The following PUM1 variants were observed in gnomAD, a reference collection of about 807,000 sequenced individuals.
PUM1 encodes pumilio RNA binding family member 1.
PUM1 carries 13 observed loss-of-function variants against 131.8 expected under a neutral mutation model. That is an observed-to-expected ratio of 0.10 (90% CI 0.06 to 0.16). The LOEUF is 0.16. Ranked by LOEUF, PUM1 falls within the 10% of genes least tolerant of loss-of-function variation. The pLI is 1.00. For synonymous variants in PUM1, 509 were observed against 556.5 expected, an observed-to-expected ratio of 0.91 and a Z score of 1.20; for missense variants, 961 against 1,512.4, an observed-to-expected ratio of 0.64 and a Z score of 6.05.
At chr1:30,937,961 G>A (rs1043599128) in intron 20 of PUM1, among the ~76,000 whole-genome samples, 11 of 151,914 alleles carry the variant, frequency 7.2e-5, no homozygotes, top group Non-Finnish European at 1.5e-4. Flanking sequence ...TAGTAGAGAC[G>A]GGGTTTCACC....
chr1:30,936,525 GGACAGAGGTCAGT>G (rs1639217047), intron 21 of PUM1, 105 bp downstream of exon 21: 1 of 1,001,402 alleles, frequency 1.0e-6, no homozygotes, highest in Non-Finnish European at 1.5e-6. Flanking sequence ...ACACAGCATG[GGACAGAGGTCAGT>G]GACAAACTCT....
intron 18 of PUM1, among the ~76,000 whole-genome samples, chr1:30,943,818 T>C (rs968088395): frequency 5.3e-5 from 8 of 152,178 alleles, no homozygotes; most frequent in African/African-American, 1.2e-4. Context: ...GGGTAAATAA[T>C]AGTCTATTAT....
chr1:31,027,467 A>C (rs562808485), intron 3 of PUM1, among the ~76,000 whole-genome samples: 1 of 152,190 alleles, frequency 6.6e-6, no homozygotes, highest in Non-Finnish European at 1.5e-5. Context: ...TAGACTTTCT[A>C]AACCATACAG....
intron 2 of PUM1, among the ~76,000 whole-genome samples, chr1:31,032,558 G>A (rs1414435708): frequency 1.1e-4 from 13 of 115,674 alleles, no homozygotes; most frequent in African/African-American, 3.3e-4. Context: ...GTGCAGTGGC[G>A]TGATCTTTTT....
chr1:31,008,625 A>C (rs967997819), intron 3 of PUM1, among the ~76,000 whole-genome samples: 4 of 152,084 alleles, frequency 2.6e-5, no homozygotes, highest in African/African-American at 9.7e-5. Flanking sequence ...AAATCTTACT[A>C]AACTGCCCTG....
chr1:30,936,905 G>GT, intron 20 of PUM1, 70 bp from the exon 21 acceptor site: 1 of 1,364,892 alleles, frequency 7.3e-7, no homozygotes, highest in Non-Finnish European at 1.0e-6. Context: ...TGCTTGCCTA[G>GT]CTTCTGCCCT....
chr1:30,962,890 G>A (rs1640476197), intron 14 of PUM1, among the ~76,000 whole-genome samples: 1 of 151,992 alleles, frequency 6.6e-6, no homozygotes, highest in Admixed American at 6.6e-5. Context: ...AAACTTAGCA[G>A]GTTCAGTTTA....
At chr1:30,945,561 T>C (rs1314451850) in intron 17 of PUM1, 78 bp from the exon 18 acceptor site, 4 of 1,470,346 alleles carry the variant, frequency 2.7e-6, no homozygotes, top group Admixed American at 1.8e-5. Flanking sequence ...TCACCAAACA[T>C]GAAAGCACTA....
intron 17 of PUM1, among the ~76,000 whole-genome samples, chr1:30,947,871 ATTTTTTTT>A (rs755403369): frequency 3.5e-5 from 5 of 141,210 alleles, no homozygotes; most frequent in South Asian, 2.3e-4. Flanking sequence ...AAGGGAATAA[ATTTTTTTT>A]TTTTTTTTTT....
At chr1:31,055,339 G>T (rs564917441) in intron 2 of PUM1, 1 of 456,134 alleles carries the variant, frequency 2.2e-6, no homozygotes, top group South Asian at 1.5e-5. Flanking sequence ...AGAACCTCTC[G>T]TCTTCCCTCA....
chr1:31,036,855 T>C (rs752365859), intron 2 of PUM1: 4 of 153,544 alleles, frequency 2.6e-5, no homozygotes, highest in African/African-American at 4.8e-5. Flanking sequence ...ACAAGGGCAG[T>C]TGTCTGATAG....
chr1:30,944,668 A>T (rs890773654), intron 18 of PUM1, among the ~76,000 whole-genome samples: 1 of 152,252 alleles, frequency 6.6e-6, no homozygotes, highest in African/African-American at 2.4e-5. Flanking sequence ...TTCACACATG[A>T]CCTACAACAT....
At chr1:30,944,826 A>G (rs1206340508) in intron 18 of PUM1, among the ~76,000 whole-genome samples, 3 of 152,252 alleles carry the variant, frequency 2.0e-5, no homozygotes, top group Admixed American at 1.3e-4. Flanking sequence ...TTTCATCCCA[A>G]TGTGAGCAGA....
chr1:31,035,819 ATTCT>A (rs1382788334), intron 2 of PUM1, among the ~76,000 whole-genome samples: 1 of 152,192 alleles, frequency 6.6e-6, no homozygotes, highest in Non-Finnish European at 1.5e-5. Context: ...TAGATAAATC[ATTCT>A]TTCCTAATTA....
chr1:31,039,162 G>C (rs189859190), intron 2 of PUM1, among the ~76,000 whole-genome samples: 159 of 146,230 alleles, frequency 1.1e-3, no homozygotes, highest in African/African-American at 4.0e-3. Context: ...ATGCCTGGCT[G>C]ACTTTTTAAT....
At chr1:30,986,305 G>A (rs1641556736) in intron 7 of PUM1, among the ~76,000 whole-genome samples, 1 of 152,110 alleles carries the variant, frequency 6.6e-6, no homozygotes, top group South Asian at 2.1e-4. Context: ...GTTGTTTTCA[G>A]GGTTCACAGA....
intron 2 of PUM1, among the ~76,000 whole-genome samples, chr1:31,050,396 A>G (rs139838291): frequency 2.0e-5 from 3 of 152,190 alleles, no homozygotes; most frequent in South Asian, 2.1e-4. Context: ...GAGGCACCAG[A>G]TTGCTTGTAC....
intron 10 of PUM1, among the ~76,000 whole-genome samples, chr1:30,972,186 C>T (rs1640899255): frequency 6.8e-6 from 1 of 146,116 alleles, no homozygotes; most frequent in African/African-American, 2.6e-5. Flanking sequence ...ACCTGGGAGG[C>T]GAAGGTTGCA....
At chr1:30,963,278 C>T (rs950727503) in intron 14 of PUM1, among the ~76,000 whole-genome samples, 1 of 152,104 alleles carries the variant, frequency 6.6e-6, no homozygotes, top group East Asian at 1.9e-4. Flanking sequence ...CTGCATTAAC[C>T]CCCAGTGTTT....
Sources: gnomAD v4.1 joint callset for allele counts (sites outside exome capture counted in the v4.1 genomes callset) on GRCh38, gnomAD v4.1.1 for gene constraint, MANE v1.5 for transcripts, NCBI Gene and HGNC (gene_info 2026-07-23, HGNC 2026-07-21) for gene names.